DTNB: variants seen among roughly 807,000 people sequenced by gnomAD.
The protein encoded by DTNB is DTN-B.
A neutral mutation model predicts 90.7 loss-of-function variants in DTNB; 63 were observed. The observed-to-expected ratio is 0.69, with a 90% CI of 0.57 to 0.86. The LOEUF is 0.86. Ranked by LOEUF, DTNB falls within the 40% of genes least tolerant of loss-of-function variation. The pLI, the probability that DTNB is intolerant of heterozygous loss-of-function variation, is 0.00. For synonymous variants in DTNB, 277 were observed against 286.7 expected (o/e 0.97, Z 0.34); for missense variants, 744 against 807.1 (o/e 0.92, Z 0.95).
At chr2:25,531,220 G>A (rs2078110079) in intron 9 of DTNB, among the ~76,000 whole-genome samples, 1 of 152,126 alleles carries the variant, frequency 6.6e-6, no homozygotes, top group African/African-American at 2.4e-5. Context: ...AACAATAATG[G>A]CTCTTCAATG....
chr2:25,591,145 G>A (rs866586840), intron 6 of DTNB, among the ~76,000 whole-genome samples: 3 of 152,160 alleles, frequency 2.0e-5, no homozygotes, highest in Non-Finnish European at 2.9e-5. Flanking sequence ...GCCAGGCAGC[G>A]GGAGCAGGGA....
chr2:25,623,455 G>T (rs2073310417), intron 4 of DTNB, among the ~76,000 whole-genome samples: 2 of 152,188 alleles, frequency 1.3e-5, no homozygotes, highest in African/African-American at 4.8e-5. Context: ...TCCCTTGGCA[G>T]GACACGTGGT....
intron 8 of DTNB, 30 bp from the exon 9 acceptor site, chr2:25,531,627 T>C: frequency 6.3e-7 from 1 of 1,595,512 alleles, no homozygotes; most frequent in Non-Finnish European, 8.5e-7. Flanking sequence ...AGTAAGGAAT[T>C]AACCCTTCAA....
At chr2:25,477,048 TAGTC>T (rs2063874709) in intron 10 of DTNB, among the ~76,000 whole-genome samples, 1 of 152,158 alleles carries the variant, frequency 6.6e-6, no homozygotes, top group African/African-American at 2.4e-5. Context: ...CCATCCTGCT[TAGTC>T]AGCAGCCATC....
intron 9 of DTNB, among the ~76,000 whole-genome samples, chr2:25,487,783 G>T (rs1001104081): frequency 6.6e-6 from 1 of 152,084 alleles, no homozygotes; most frequent in Non-Finnish European, 1.5e-5. Context: ...TAATTTATTT[G>T]TTTGACCAAA....
chr2:25,560,759 A>T (rs1392252174), intron 8 of DTNB, among the ~76,000 whole-genome samples: 1 of 152,154 alleles, frequency 6.6e-6, no homozygotes, highest in Non-Finnish European at 1.5e-5. Flanking sequence ...TTCTCTAGAG[A>T]ATCCTAATAC....
chr2:25,520,264 T>C (rs750270223), intron 9 of DTNB, among the ~76,000 whole-genome samples: 1 of 152,078 alleles, frequency 6.6e-6, no homozygotes, highest in African/African-American at 2.4e-5. Context: ...CCCAGCTACT[T>C]GGGTGACTGA....
At chr2:25,447,351 T>C (rs1206436782) in intron 12 of DTNB, among the ~76,000 whole-genome samples, 1 of 152,180 alleles carries the variant, frequency 6.6e-6, no homozygotes, top group African/African-American at 2.4e-5. Context: ...AATTTCACCT[T>C]GGTGATTCTC....
At chr2:25,391,715 CA>C (rs2041171569) in intron 16 of DTNB, among the ~76,000 whole-genome samples, 1 of 152,128 alleles carries the variant, frequency 6.6e-6, no homozygotes, top group African/African-American at 2.4e-5. Context: ...AAAATCATAT[CA>C]AGCACTCTAT....
chr2:25,530,141 A>G (rs1002794591), intron 9 of DTNB, among the ~76,000 whole-genome samples: 2 of 152,182 alleles, frequency 1.3e-5, no homozygotes, highest in East Asian at 3.8e-4. Context: ...GTAAGTCAAT[A>G]ATGTCTAAAA....
chr2:25,470,364 C>G (rs368439041), intron 10 of DTNB, among the ~76,000 whole-genome samples: 2 of 150,204 alleles, frequency 1.3e-5, no homozygotes, highest in African/African-American at 4.9e-5. Flanking sequence ...GATTCTTACA[C>G]GACAATTTTT....
intron 14 of DTNB, among the ~76,000 whole-genome samples, chr2:25,429,039 C>T (rs969203777): frequency 1.2e-4 from 19 of 152,186 alleles, no homozygotes; most frequent in Non-Finnish European, 2.5e-4. Flanking sequence ...TCGAGACCTA[C>T]GCTGTCTATC....
At chr2:25,482,989 C>T (rs115321447) in intron 9 of DTNB, 116 bp from the exon 10 acceptor site, 40 of 1,013,230 alleles carry the variant, frequency 3.9e-5, no homozygotes, top group Middle Eastern at 2.2e-4. Flanking sequence ...TAAGCACAGA[C>T]GGACCCATGG....
At chr2:25,668,020 A>T (rs948749460) in intron 1 of DTNB, among the ~76,000 whole-genome samples, 1 of 152,186 alleles carries the variant, frequency 6.6e-6, no homozygotes. Context: ...CAGGCGGATC[A>T]TGAGGTCAGG....
chr2:25,421,189 C>T (rs2049564320), intron 15 of DTNB: 1 of 152,214 alleles, frequency 6.6e-6, no homozygotes, highest in African/African-American at 2.4e-5. Flanking sequence ...GTGAGAAAGA[C>T]CTCAGTAAAG....
chr2:25,572,467 C>CA (rs373866980), intron 8 of DTNB, among the ~76,000 whole-genome samples: 1,849 of 102,068 alleles, frequency 0.018, 18 homozygotes, highest in Non-Finnish European at 0.023. Flanking sequence ...ACTCCATCGC[C>CA]AAAAAAAAAA....
intron 14 of DTNB, among the ~76,000 whole-genome samples, chr2:25,429,973 A>C (rs547885025): frequency 6.6e-6 from 1 of 152,218 alleles, no homozygotes; most frequent in African/African-American, 2.4e-5. Context: ...TTCCAATCTG[A>C]AATGTTTTGT....
At chr2:25,535,331 TC>T (rs1202855959) in intron 8 of DTNB, among the ~76,000 whole-genome samples, 1 of 121,756 alleles carries the variant, frequency 8.2e-6, no homozygotes, top group African/African-American at 3.2e-5. Context: ...GCTCCTCACC[TC>T]CCATTCGGGG....
intron 1 of DTNB, among the ~76,000 whole-genome samples, chr2:25,669,810 G>T (rs954090098): frequency 6.6e-6 from 1 of 151,982 alleles, no homozygotes; most frequent in Non-Finnish European, 1.5e-5. Flanking sequence ...TTTAAATGGT[G>T]GCACGCAAGT....
Sources: gnomAD v4.1 joint callset for allele counts (sites outside exome capture counted in the v4.1 genomes callset) on GRCh38, gnomAD v4.1.1 for gene constraint, MANE v1.5 for transcripts, NCBI Gene and HGNC (gene_info 2026-07-23, HGNC 2026-07-21) for gene names.